The following DCHS2 variants were observed in gnomAD, a reference collection of about 807,000 sequenced individuals.
The protein encoded by DCHS2 is dachsous cadherin-related 2.
A neutral mutation model predicts 182.4 loss-of-function variants in DCHS2; 142 were observed. That is an observed-to-expected ratio of 0.78 (90% confidence interval 0.68 to 0.89). The LOEUF (loss-of-function observed/expected upper bound fraction) is 0.89. Ranked by LOEUF, DCHS2 falls within the 40% of genes least tolerant of loss-of-function variation. The pLI, the probability that DCHS2 is intolerant of heterozygous loss-of-function variation, is 0.00. For missense variants in DCHS2, 4,319 were observed against 4,198.6 expected (o/e 1.03, Z -0.79); for synonymous variants, 1,740 against 1,663.3 (o/e 1.05, Z -1.12).
chr4:154,281,266 C>T (rs1392739065), intron 13 of DCHS2, among the ~76,000 whole-genome samples: 1 of 152,050 alleles, frequency 6.6e-6, no homozygotes. Flanking sequence ...TTGCAGACGA[C>T]ATAATCCTGT....
chr4:154,434,403 G>C (rs1353171852), intron 1 of DCHS2, among the ~76,000 whole-genome samples: 2 of 152,138 alleles, frequency 1.3e-5, no homozygotes, highest in Admixed American at 6.6e-5. Context: ...GTTTGGGTGA[G>C]AGAGTGAGAC....
chr4:154,381,134 T>C (rs1013419668), intron 1 of DCHS2, among the ~76,000 whole-genome samples: 1 of 152,068 alleles, frequency 6.6e-6, no homozygotes, highest in African/African-American at 2.4e-5. Context: ...CGTCTACTTA[T>C]TGAGCCACAT....
intron 1 of DCHS2, among the ~76,000 whole-genome samples, chr4:154,478,877 A>C (rs1233438539): frequency 2.0e-5 from 3 of 152,256 alleles, no homozygotes. Context: ...AGAAGAATGT[A>C]ACACTCAGAA....
intron 3 of DCHS2, among the ~76,000 whole-genome samples, chr4:154,336,070 C>A (rs1339866962): frequency 1.3e-5 from 2 of 152,102 alleles, no homozygotes; most frequent in East Asian, 1.9e-4. Flanking sequence ...TGAACTAGAC[C>A]GTGTAGGGTA....
rs1277937825 is a variant in DCHS2, at chr4:154,259,810, T to C, written c.6578-54A>G. 9.5e-6 allele frequency: 14 copies of C among 1,472,810 alleles called. No individual in the cohort carries two copies. In the East Asian group the frequency reaches 3.0e-4, roughly 32 times the overall value. The allele number at this position is 1,472,810 out of a possible 1,614,324, so 91.2% of individuals were successfully genotyped here. On this transcript the variant is annotated intron_variant, in intron 14 of 19. Coordinates refer to ENST00000357232, the MANE Select transcript of DCHS2 (RefSeq NM_001358235.2). ...GAAAATGATGTTGTAGTTATTCTTT[T>C]ATTTTTTATTTTATTTATTTATTTA...
chr4:154,376,938 A>T (rs1288752663), intron 2 of DCHS2, among the ~76,000 whole-genome samples: 1 of 152,234 alleles, frequency 6.6e-6, no homozygotes, highest in Non-Finnish European at 1.5e-5. Context: ...CTTCATTCAA[A>T]GAAACCAACT....
intron 1 of DCHS2, chr4:154,391,047 G>A (rs1352102797): frequency 2.4e-6 from 2 of 837,764 alleles, no homozygotes; most frequent in South Asian, 2.0e-5. Context: ...TTCTTCCAAG[G>A]CTTTATTTCC....
intron 1 of DCHS2, among the ~76,000 whole-genome samples, chr4:154,488,072 G>T (rs558207266): frequency 1.3e-5 from 2 of 152,304 alleles, no homozygotes; most frequent in Admixed American, 6.5e-5. Flanking sequence ...CAGCTACTTG[G>T]GAGACTGAGG....
intron 2 of DCHS2, among the ~76,000 whole-genome samples, chr4:154,366,996 C>G (rs1373700336): frequency 1.3e-5 from 2 of 152,096 alleles, no homozygotes; most frequent in Admixed American, 1.3e-4. Flanking sequence ...TGCAGACCAA[C>G]CCACATGAGG....
Position 154,305,347 on chromosome 4 carries a change from C to G in DCHS2, c.5261-116G>C. On this transcript the variant is annotated intron_variant, in intron 10 of 19. Transcript: ENST00000357232. The stretch of plus-strand genomic sequence containing the variant: ...CCATAGATGAAAATGGCAAGATTCT[C>G]AAACAGCCTTTAAATTAAGGTAAAA... 2.4e-6 allele frequency: 3 copies of G among 1,259,192 alleles called. No individual in the cohort carries two copies. In the South Asian group the frequency reaches 5.8e-5, roughly 24 times the overall value. The allele number at this position is 1,259,192 out of a possible 1,614,324, so 78.0% of individuals were successfully genotyped here.
intron 13 of DCHS2, among the ~76,000 whole-genome samples, chr4:154,272,804 C>T (rs1733660931): frequency 6.6e-6 from 1 of 152,122 alleles, no homozygotes; most frequent in Non-Finnish European, 1.5e-5. Flanking sequence ...TGTAGCCATC[C>T]TAGTGGATAT....
In DCHS2 at chr4:154,308,695, G is replaced by A. The variant is rs561713393; in HGVS notation, c.5261-3464C>T. 4.6e-5 allele frequency among the ~76,000 whole-genome samples: 7 copies of A among 152,276 alleles called. No homozygotes were observed. The South Asian group carries it at 1.5e-3, about 32-fold the overall frequency. On this transcript the variant is annotated intron_variant, in intron 10 of 19. Coordinates refer to ENST00000357232, the MANE Select transcript of DCHS2 (RefSeq NM_001358235.2). ...ATAGAAGACTTATCTCAGGTATATAGTTTGTCATTAATTATCTCATTGTAT... is the reference window on the plus strand; with the variant it reads ...ATAGAAGACTTATCTCAGGTATATAATTTGTCATTAATTATCTCATTGTAT...
At chr4:154,342,455 C>T (rs1276960842) in intron 3 of DCHS2, among the ~76,000 whole-genome samples, 1 of 152,120 alleles carries the variant, frequency 6.6e-6, no homozygotes, top group Non-Finnish European at 1.5e-5. Flanking sequence ...ATAGTTTATC[C>T]ACATTAGAAC....
chr4:154,324,571 T>C (rs1017059080), intron 7 of DCHS2, among the ~76,000 whole-genome samples: 2 of 152,078 alleles, frequency 1.3e-5, no homozygotes, highest in Non-Finnish European at 2.9e-5. Flanking sequence ...CATAAGGTTT[T>C]GAGTTAAATA....
intron 15 of DCHS2, among the ~76,000 whole-genome samples, 162 bp downstream of exon 15, chr4:154,259,383 T>G (rs1732857914): frequency 6.6e-6 from 1 of 152,060 alleles, no homozygotes; most frequent in Non-Finnish European, 1.5e-5. Flanking sequence ...TAACCTAAGG[T>G]TTCATCCCAT....
chr4:154,328,983 TATTCTA>T (rs1321193640), intron 6 of DCHS2, among the ~76,000 whole-genome samples: 1 of 152,212 alleles, frequency 6.6e-6, no homozygotes, highest in East Asian at 1.9e-4. Context: ...AATGAACTGA[TATTCTA>T]ATTTATTATG....
chr4:154,392,562 G>A (rs1731755711), intron 1 of DCHS2, among the ~76,000 whole-genome samples: 1 of 152,148 alleles, frequency 6.6e-6, no homozygotes, highest in African/African-American at 2.4e-5. Flanking sequence ...TTTCACACCT[G>A]CAAAAGGGTC....
intron 1 of DCHS2, among the ~76,000 whole-genome samples, chr4:154,428,126 G>C (rs1733406628): frequency 6.6e-6 from 1 of 152,044 alleles, no homozygotes; most frequent in Non-Finnish European, 1.5e-5. Context: ...TAATTTGGTA[G>C]AAAAAGGAAA....
intron 1 of DCHS2, among the ~76,000 whole-genome samples, chr4:154,477,279 C>G (rs990094084): frequency 5.3e-5 from 8 of 152,116 alleles, no homozygotes; most frequent in African/African-American, 1.9e-4. Flanking sequence ...GACACTAATT[C>G]CATCATGCAG....
Sources: allele counts gnomAD v4.1 joint callset (sites outside exome capture counted in the v4.1 genomes callset), GRCh38; gene constraint gnomAD v4.1.1; transcripts MANE v1.5; gene names NCBI Gene and HGNC (gene_info 2026-07-23, HGNC 2026-07-21).